The following USH2A variants were observed in gnomAD, a reference collection of about 807,000 sequenced individuals.
USH2A encodes Usher syndrome 2A (autosomal recessive, mild).
USH2A carries 443 observed loss-of-function variants against 538.9 expected under a neutral mutation model. The observed-to-expected ratio is 0.82, with a 90% CI of 0.76 to 0.89. The LOEUF (loss-of-function observed/expected upper bound fraction) is 0.89. Ranked by LOEUF, USH2A falls within the 40% of genes least tolerant of loss-of-function variation. The pLI is 0.00. For missense variants in USH2A, 6,633 were observed against 6,324.8 expected, an observed-to-expected ratio of 1.05 and a Z score of -1.65; for synonymous variants, 2,413 against 2,273.5, an observed-to-expected ratio of 1.06 and a Z score of -1.75.
In USH2A at chr1:215,675,450, G is replaced by T; in HGVS notation, c.12461C>A (p.Pro4154His). Residue 4154 changes from proline (P) to histidine (H), a missense_variant, in exon 63 of 72, where the codon CCT becomes CAT. Physicochemically the swap from Pro to His is moderately conservative, Grantham distance 77. Transcript: ENST00000307340. ...APQPLWTDEA[P>H]PDSQLAPTVH... is the part of the protein sequence containing the mutation. Reference sequence around the variant, plus strand: ...AGTAGGAGCCAGCTGAGAGTCTGGAGGGGCTTCATCTGTCCACAGAGGCTG... The same window carrying T: ...AGTAGGAGCCAGCTGAGAGTCTGGATGGGCTTCATCTGTCCACAGAGGCTG... 4 of 1,613,984 alleles carry T rather than the reference G, an allele frequency of 2.5e-6. No individual in the cohort carries two copies. Among genetic ancestry groups the T allele is most frequent in the South Asian group, 1.1e-5 (1 of 91,078 alleles).
intron 32 of USH2A, among the ~76,000 whole-genome samples, chr1:216,023,996 T>C (rs949704074): frequency 3.9e-5 from 6 of 152,146 alleles, no homozygotes; most frequent in Non-Finnish European, 2.9e-5. Flanking sequence ...GAGATTGTTA[T>C]ATAAGTTTCA....
chr1:215,644,453 G>T (rs761605329), intron 67 of USH2A, among the ~76,000 whole-genome samples: 10 of 152,274 alleles, frequency 6.6e-5, no homozygotes, highest in Non-Finnish European at 1.3e-4. Flanking sequence ...GAGGAGGAAA[G>T]GAGGGAGTAG....
intron 21 of USH2A, among the ~76,000 whole-genome samples, chr1:216,165,026 A>C (rs1274429750): frequency 6.6e-6 from 1 of 152,138 alleles, no homozygotes; most frequent in Non-Finnish European, 1.5e-5. Flanking sequence ...CAGAACCTGC[A>C]CCATTTACTA....
Position 216,339,889 on chromosome 1 carries a change from T to G in USH2A, c.785-12235A>C, listed in dbSNP as rs369430399. Among the ~76,000 whole-genome samples, 21 of 151,986 alleles carry G rather than the reference T, an allele frequency of 1.4e-4. No individual in the cohort carries two copies. The East Asian group carries it at 4.1e-3, about 29-fold the overall frequency. On this transcript the variant is annotated intron_variant, in intron 4 of 71. Transcript: ENST00000307340. Reference sequence around the variant, plus strand: ...TACCCATATCAGAAAGCTAGAAAGATCTCGAATTGACACTCTAGTGTCACA... The same window carrying G: ...TACCCATATCAGAAAGCTAGAAAGAGCTCGAATTGACACTCTAGTGTCACA...
rs747084811 is a variant in USH2A, at chr1:216,220,048, G to A, written c.2994-2498C>T. Reference sequence around the variant, plus strand: ...TTTCTTCCAGTTGTGGAAACAGTGAGAGAAATGGTTATCCTAATTATTACT... The same window carrying A: ...TTTCTTCCAGTTGTGGAAACAGTGAAAGAAATGGTTATCCTAATTATTACT... On this transcript the variant is annotated intron_variant, in intron 14 of 71. Coordinates refer to ENST00000307340, the MANE Select transcript of USH2A (RefSeq NM_206933.4). Among the ~76,000 whole-genome samples, 5 of 152,124 alleles carry A rather than the reference G, an allele frequency of 3.3e-5. No individual in the cohort carries two copies. The South Asian group carries it at 1.0e-3, about 32-fold the overall frequency.
chr1:215,831,881 C>G (rs938201746), intron 47 of USH2A, among the ~76,000 whole-genome samples: 1 of 151,780 alleles, frequency 6.6e-6, no homozygotes, highest in African/African-American at 2.4e-5. Flanking sequence ...AAAAATGGTT[C>G]TTTGAAAAGA....
At chr1:216,417,701 T>C (rs774444230) in intron 3 of USH2A, among the ~76,000 whole-genome samples, 97 of 152,178 alleles carry the variant, frequency 6.4e-4, no homozygotes, top group Non-Finnish European at 7.4e-4. Context: ...TTCTAAGGTC[T>C]CCCCAGAAGC....
chr1:216,305,636 TC>T (rs1276041314), intron 9 of USH2A, among the ~76,000 whole-genome samples: 2 of 152,164 alleles, frequency 1.3e-5, no homozygotes, highest in Non-Finnish European at 2.9e-5. Flanking sequence ...GAGGTTGTAT[TC>T]TGGTGTATTT....
chr1:216,039,975 T>A (rs1287142349), intron 32 of USH2A, among the ~76,000 whole-genome samples: 1 of 151,602 alleles, frequency 6.6e-6, no homozygotes, highest in Admixed American at 6.6e-5. Context: ...CCAGAATTCA[T>A]CCACTTTTCC....
At chr1:215,990,800 C>T (rs1276141520) in intron 35 of USH2A, among the ~76,000 whole-genome samples, 7 of 125,180 alleles carry the variant, frequency 5.6e-5, no homozygotes, top group Admixed American at 4.0e-4. Context: ...CTCACTCTGT[C>T]ACCCAGGCTG....
At chr1:215,786,645 G>A in intron 52 of USH2A, 25 bp downstream of exon 52, 1 of 1,613,002 alleles carries the variant, frequency 6.2e-7, no homozygotes, top group South Asian at 1.1e-5. Flanking sequence ...ATTAAGCCAT[G>A]GGCAGACAGC....
chr1:215,992,895 T>C (rs1437644138), intron 35 of USH2A, 125 bp downstream of exon 35: 34 of 1,470,006 alleles, frequency 2.3e-5, no homozygotes, highest in Non-Finnish European at 2.8e-5. Context: ...AATGATACTA[T>C]CTTAGGTATT....
chr1:215,745,987 T>C (rs1660458363), intron 58 of USH2A, among the ~76,000 whole-genome samples: 1 of 152,194 alleles, frequency 6.6e-6, no homozygotes, highest in African/African-American at 2.4e-5. Flanking sequence ...ATACACCTGC[T>C]TTGGAGGTTT....
At chr1:216,010,384 C>T (rs979346664) in intron 32 of USH2A, among the ~76,000 whole-genome samples, 5 of 152,158 alleles carry the variant, frequency 3.3e-5, no homozygotes, top group African/African-American at 1.2e-4. Flanking sequence ...TCGGACTGTT[C>T]AGCTCACCTG....
At chr1:215,867,877 A>G (rs745546170) in intron 43 of USH2A, among the ~76,000 whole-genome samples, 2 of 152,224 alleles carry the variant, frequency 1.3e-5, no homozygotes, top group Non-Finnish European at 2.9e-5. Flanking sequence ...TAAATTGACT[A>G]TAGAGTAAAG....
chr1:216,014,463 A>C (rs113353110), intron 32 of USH2A, among the ~76,000 whole-genome samples: 1 of 152,184 alleles, frequency 6.6e-6, no homozygotes, highest in East Asian at 1.9e-4. Context: ...ATATGTCTCT[A>C]TAGATGTGAT....
At chr1:216,417,266 A>T (rs975345092) in intron 3 of USH2A, among the ~76,000 whole-genome samples, 15 of 111,574 alleles carry the variant, frequency 1.3e-4, no homozygotes, top group African/African-American at 6.7e-4. Context: ...CTTCAAGATT[A>T]AAAAAAAAAA....
At chr1:216,364,862 C>G (rs528870290) in intron 4 of USH2A, 91 bp downstream of exon 4, 1 of 1,512,778 alleles carries the variant, frequency 6.6e-7, no homozygotes, top group South Asian at 1.2e-5. Flanking sequence ...GATGAATACA[C>G]GTAGATATTT....
chr1:216,260,177 A>G (rs941517785), intron 11 of USH2A, among the ~76,000 whole-genome samples: 5 of 152,168 alleles, frequency 3.3e-5, no homozygotes, highest in East Asian at 1.9e-4. Flanking sequence ...CCAGCAGAGA[A>G]ATCAATAGGG....
Sources: allele counts gnomAD v4.1 joint callset (sites outside exome capture counted in the v4.1 genomes callset), GRCh38; gene constraint gnomAD v4.1.1; transcripts MANE v1.5; gene names NCBI Gene and HGNC (gene_info 2026-07-23, HGNC 2026-07-21).